The following ZDHHC11 variants were observed in gnomAD, a reference collection of about 807,000 sequenced individuals.
The protein encoded by ZDHHC11 is palmitoyltransferase ZDHHC11.
ZDHHC11 carries 44 observed loss-of-function variants against 51.3 expected under a neutral mutation model. The ratio of observed to expected loss-of-function variants is 0.86; its 90% CI spans 0.67 to 1.10. The LOEUF is 1.10. Ranked by LOEUF, ZDHHC11 falls within the 50% of genes least tolerant of loss-of-function variation. The pLI is 0.00. For missense variants in ZDHHC11, 400 were observed against 537.7 expected (o/e 0.74, Z 2.53); for synonymous variants, 163 against 222.0 (o/e 0.73, Z 2.36).
upstream of ZDHHC11, among the ~76,000 whole-genome samples, chr5:860,313 G>A (rs1004745805): frequency 7.9e-5 from 12 of 152,172 alleles, no homozygotes; most frequent in South Asian, 4.1e-4. This position sits in a 1 kb window ranked among gnomAD's most constrained non-coding sequence, Gnocchi z 4.2. Context: ...CAAACGCCCC[G>A]TCTTGTAGCC....
At chr5:843,140 G>A (rs1428729797) in intron 4 of ZDHHC11, among the ~76,000 whole-genome samples, 42 of 152,372 alleles carry the variant, frequency 2.8e-4, no homozygotes, top group Admixed American at 1.3e-3. Context: ...CCCAGGCTCC[G>A]GGCCCACTTG....
At chr5:860,518 C>T (rs909154509), upstream of ZDHHC11, among the ~76,000 whole-genome samples, 2 of 152,030 alleles carry the variant, frequency 1.3e-5, no homozygotes, top group African/African-American at 4.8e-5. This position sits in a 1 kb window ranked among gnomAD's most constrained non-coding sequence, Gnocchi z 4.2. Context: ...CAGTCTCAGT[C>T]CCCATGTGCT....
chr5:820,545 C>T (rs559721579), intron 9 of ZDHHC11, among the ~76,000 whole-genome samples: 5 of 151,192 alleles, frequency 3.3e-5, no homozygotes, highest in African/African-American at 1.2e-4. Flanking sequence ...GAGCCCCTGC[C>T]GGTGTCTGTG....
In ZDHHC11 at chr5:850,753, C is replaced by A. The variant is rs530202698; in HGVS notation, c.-151G>T. ...CAGCACTGCCTGGGGCCACGTTCCC[C>A]GCAGAGGGAGCAGGGGCTGGGCTGG... On this transcript the variant is annotated 5_prime_UTR_variant, in exon 1 of 13. Coordinates refer to ENST00000283441, the MANE Select transcript of ZDHHC11 (RefSeq NM_024786.3). The A allele has an allele frequency of 4.2e-6, 4 of 942,728 alleles. No individual in the cohort carries two copies. The highest frequency in any genetic ancestry group is 2.6e-5 in the East Asian group (1 of 38,528). The allele number at this position is 942,728 out of a possible 1,614,324, so 58.4% of individuals were successfully genotyped here.
rs552883517 is a variant in ZDHHC11, at chr5:850,809, A to T, written c.-207T>A. ...GTGCAGGGCCCCGCCCAGGGGAATGAACAGACATGCTGCAGAATGTGACCC... is the reference window on the plus strand; with the variant it reads ...GTGCAGGGCCCCGCCCAGGGGAATGTACAGACATGCTGCAGAATGTGACCC... On this transcript the variant is annotated 5_prime_UTR_variant, in exon 1 of 13. Coordinates refer to ENST00000283441, the MANE Select transcript of ZDHHC11 (RefSeq NM_024786.3). The T allele has an allele frequency of 1.2e-4, 80 of 646,044 alleles. No homozygotes were observed. The highest frequency in any genetic ancestry group is 1.2e-3 in the African/African-American group (64 of 54,652). 40.0% of individuals were successfully genotyped at this position (646,044 alleles called of 1,614,324 possible).
At chr5:816,541 AC>A in intron 10 of ZDHHC11, 1 of 565,804 alleles carries the variant, frequency 1.8e-6, no homozygotes. Context: ...CCAAAAAGAT[AC>A]TTCTGGAAAA....
At chr5:808,044 G>T (rs1381552814) in intron 11 of ZDHHC11, among the ~76,000 whole-genome samples, 3 of 150,660 alleles carry the variant, frequency 2.0e-5, no homozygotes, top group Non-Finnish European at 2.9e-5. Context: ...GGCCACTGGG[G>T]TTAAGGGCCA....
chr5:850,318 G>C (rs1281486873), intron 1 of ZDHHC11, 63 bp downstream of exon 1: 5 of 1,553,898 alleles, frequency 3.2e-6, no homozygotes, highest in African/African-American at 1.4e-5. Flanking sequence ...CCCACAGCCA[G>C]GTCCATCGCA....
intron 9 of ZDHHC11, 134 bp from the exon 10 acceptor site, chr5:819,746 G>A: frequency 1.1e-6 from 1 of 878,508 alleles, no homozygotes; most frequent in Non-Finnish European, 1.8e-6. Context: ...GAGACCAGCA[G>A]CTCCCGGGAG....
At chr5:844,420 G>A (rs1396565957) in intron 3 of ZDHHC11, among the ~76,000 whole-genome samples, 3 of 152,422 alleles carry the variant, frequency 2.0e-5, no homozygotes, top group South Asian at 4.1e-4. Flanking sequence ...TACCAGCGGA[G>A]CATGAGGGTC....
intron 11 of ZDHHC11, among the ~76,000 whole-genome samples, chr5:809,282 T>G (rs140369269): frequency 0.034 from 3,406 of 98,992 alleles, 5 homozygotes; most frequent in Middle Eastern, 0.095. Flanking sequence ...CTTCTGGGCC[T>G]TTGTTGCTGT....
chr5:797,216 G>A (rs1461564983), intron 12 of ZDHHC11, among the ~76,000 whole-genome samples: 27 of 150,314 alleles, frequency 1.8e-4, no homozygotes, highest in African/African-American at 6.3e-4. Context: ...AAATACATAT[G>A]TGTGTGTGTG....
At chr5:828,179 C>T (rs1428079376) in intron 7 of ZDHHC11, among the ~76,000 whole-genome samples, 2 of 151,504 alleles carry the variant, frequency 1.3e-5, no homozygotes, top group East Asian at 1.9e-4. Flanking sequence ...TCAATCTTTT[C>T]CCCACCTTTC....
In ZDHHC11 at chr5:801,081, G is replaced by T. The variant is rs373889116; in HGVS notation, c.*7+19C>A. ...ACTTGGGTAGATTTCAACATGACCC[G>T]CACTGCCACGTATCTTACCTGAATC... On this transcript the variant is annotated intron_variant, in intron 12 of 12. Transcript: ENST00000283441. 1 of 1,609,212 alleles carries T rather than the reference G, an allele frequency of 6.2e-7. No homozygotes were observed. The highest frequency in any genetic ancestry group is 1.3e-5 in the African/African-American group (1 of 74,618).
intron 8 of ZDHHC11, among the ~76,000 whole-genome samples, chr5:822,400 C>T (rs1266724049): frequency 1.3e-5 from 2 of 151,490 alleles, no homozygotes; most frequent in Non-Finnish European, 1.5e-5. Flanking sequence ...TGAGAAAATA[C>T]ATTTCTTGTT....
Position 843,881 on chromosome 5 carries a change from CA to C in ZDHHC11, c.504-158del, listed in dbSNP as rs1319239396. 5 of 311,832 alleles carry C rather than the reference CA, an allele frequency of 1.6e-5. No homozygotes were observed. The African/African-American group carries it at 2.6e-4, about 16-fold the overall frequency. The allele number at this position is 311,832 out of a possible 1,614,324, so 19.3% of individuals were successfully genotyped here. A position where few individuals can be genotyped will look rare whatever the true frequency, so the allele number is the denominator to read the frequency against. ...GCAGGGGCATGCGGGGCATGTGGGA[CA>C]GGTGTGGGGGCGGGGAGGCAGGGGC... On this transcript the variant is annotated intron_variant, in intron 3 of 12. Coordinates refer to ENST00000283441, the MANE Select transcript of ZDHHC11 (RefSeq NM_024786.3).
intron 11 of ZDHHC11, among the ~76,000 whole-genome samples, chr5:810,305 G>A (rs1739916584): frequency 6.8e-6 from 1 of 146,982 alleles, no homozygotes; most frequent in East Asian, 2.0e-4. Flanking sequence ...CTGGGGATTA[G>A]GGTCTTCACA....
intron 11 of ZDHHC11, among the ~76,000 whole-genome samples, chr5:806,335 C>T (rs994564599): frequency 2.0e-5 from 3 of 151,122 alleles, no homozygotes; most frequent in African/African-American, 7.3e-5. Flanking sequence ...GGAAACAATA[C>T]AAATCCATAG....
At chr5:801,413 C>T (rs10053387) in intron 11 of ZDHHC11, among the ~76,000 whole-genome samples, 27,653 of 148,840 alleles carry the variant, frequency 0.19, 2,362 homozygotes, top group African/African-American at 0.37. Flanking sequence ...GTGTGCTTTC[C>T]CTGATAAATA....
Sources: gnomAD v4.1 joint callset for allele counts (sites outside exome capture counted in the v4.1 genomes callset) on GRCh38, gnomAD v4.1.1 for gene constraint, Gnocchi (gnomAD v3.1) non-coding constraint, MANE v1.5 for transcripts, NCBI Gene and HGNC (gene_info 2026-07-23, HGNC 2026-07-21) for gene names.